Variants in MYH6 observed in about 807,000 individuals in gnomAD.
MYH6 encodes the protein myosin-6.
Under a neutral mutation model 223.2 loss-of-function variants are expected in MYH6, and 126 were observed. The observed-to-expected ratio is 0.56, with a 90% CI of 0.49 to 0.65. The LOEUF is 0.65. Among genes scored for constraint, MYH6 ranks in the 30% least tolerant of loss-of-function variants. The probability of loss-of-function intolerance (pLI) is 0.00; values close to 1 mark genes in which losing one functional copy is unlikely to be tolerated. For missense variants in MYH6, 2,040 were observed against 2,536.4 expected, an observed-to-expected ratio of 0.80 and a Z score of 4.20; for synonymous variants, 978 against 1,010.2, an observed-to-expected ratio of 0.97 and a Z score of 0.61.
chr14:23,387,418 G>T lies in MYH6; in HGVS notation c.4650+111C>A, dbSNP rs990092431. On this transcript the variant is annotated intron_variant, in intron 32 of 38. Transcript: ENST00000405093. ...TAGTGGGTAGATAATGTTGAACAAA[G>T]AATATGGAATGAATAGATTTTGTCC... The T allele has an allele frequency of 3.9e-6, 6 of 1,540,714 alleles. No individual in the cohort carries two copies. In the African/African-American group the frequency reaches 6.8e-5, roughly 17 times the overall value.
In MYH6 at chr14:23,397,952, CTTCTTCTTCTTCT is replaced by C. The variant is rs1566512441; in HGVS notation, c.1892-352_1892-340del. Among the ~76,000 whole-genome samples, 9 of 91,168 alleles carry C rather than the reference CTTCTTCTTCTTCT, an allele frequency of 9.9e-5. 1 individual carries two copies. Among genetic ancestry groups the C allele is most frequent in the African/African-American group, 4.3e-4 (9 of 20,696 alleles). 59.8% of individuals were successfully genotyped at this position (91,168 alleles called of 152,430 possible). A position where few individuals can be genotyped will look rare whatever the true frequency, so the allele number is the denominator to read the frequency against. On this transcript the variant is annotated intron_variant, in intron 15 of 38. Transcript: ENST00000405093. ...TCCTCCTCTTCTTCTTCTTCTTCTT[CTTCTTCTTCTTCT>C]TCTTCTTCTTCTTCTTCTTCTTCTT...
chr14:23,401,011 C>CTTTTTTT, intron 12 of MYH6, 34 bp from the exon 13 acceptor site: 3 of 1,455,342 alleles, frequency 2.1e-6, no homozygotes, highest in African/African-American at 2.8e-5. Context: ...TGAGCACTTC[C>CTTTTTTT]TTTTTTTTTT....
At chr14:23,386,693 A>AGGG in intron 32 of MYH6, 70 bp from the exon 33 acceptor site, 1 of 1,522,500 alleles carries the variant, frequency 6.6e-7, no homozygotes, top group Non-Finnish European at 8.9e-7. Context: ...ATGAGAAGAT[A>AGGG]CACGGTGTCA....
rs1419432556 is a variant in MYH6 at position 23,384,471 on chromosome 14, C to T, written c.5536G>A (p.Glu1846Lys). ...TAGGTGAGCTCCTTGATGCGCCGCT[C>T]GCTCTTCCTCATGCCCTTCACCGAC... ...AESVKGMRKS[E>K]RRIKELTYQT... The change falls in exon 36 of 39, where the codon GAG (glutamate) becomes AAG (lysine). Residue 1846 changes from glutamate to lysine, a missense_variant. This residue lies in a region of MYH6 where 1,203 missense variants were observed against 1,400.2 expected (regional missense o/e 0.86). Transcript: ENST00000405093. The T allele has an allele frequency of 2.5e-6, 4 of 1,612,094 alleles. No homozygotes were observed. Among genetic ancestry groups the T allele is most frequent in the South Asian group, 1.1e-5 (1 of 91,072 alleles).
chr14:23,399,984 G>A, intron 14 of MYH6: 1 of 520,554 alleles, frequency 1.9e-6, no homozygotes, highest in South Asian at 2.1e-5. Context: ...CTCATGGGCG[G>A]TCAGAGGGGC....
At chr14:23,398,660 A>G (rs1207703882) in intron 15 of MYH6, 68 bp downstream of exon 15, 2 of 1,566,180 alleles carry the variant, frequency 1.3e-6, no homozygotes, top group African/African-American at 2.7e-5. Flanking sequence ...TGTGCTTTGA[A>G]GCAGCAGGAC....
chr14:23,389,095 C>CTCTAGATT, intron 28 of MYH6, 40 bp from the exon 29 acceptor site: 1 of 1,562,900 alleles, frequency 6.4e-7, no homozygotes, highest in Non-Finnish European at 8.6e-7. Context: ...GGAGGGACTC[C>CTCTAGATT]CTGTGCCCCA....
Position 23,384,379 on chromosome 14 carries a change from C to T in MYH6, c.5565+63G>A, listed in dbSNP as rs115854710. The T allele has an allele frequency of 5.8e-4, 933 of 1,600,442 alleles. 5 individuals are homozygous for T. The African/African-American group carries it at 0.011, about 18-fold the overall frequency. On this transcript the variant is annotated intron_variant, in intron 36 of 38. Coordinates refer to ENST00000405093, the MANE Select transcript of MYH6 (RefSeq NM_002471.4). ...GGAGGTGAGAGGAGCCCTGTGAGGGCGGGGCAGTGGGGCCAGAGAAGAAAC... is the reference window on the plus strand; with the variant it reads ...GGAGGTGAGAGGAGCCCTGTGAGGGTGGGGCAGTGGGGCCAGAGAAGAAAC...
Position 23,386,070 on chromosome 14 carries a change from G to A in MYH6, c.5021C>T (p.Ala1674Val). 6.2e-7 allele frequency: 1 copy of A among 1,614,208 alleles called. No homozygotes were observed. Among genetic ancestry groups the A allele is most frequent in the Non-Finnish European group, 8.5e-7 (1 of 1,180,028 alleles). ...CAGGTTGTTGCGCCGCTCCACGATG[G>A]CGATGTTCTCCTTCAGGTCGTCGTT... is the stretch of plus-strand genomic sequence containing the variant. ...RANDDLKENI[A>V]IVERRNNLLQ... Residue 1674 changes from alanine to valine, a missense_variant, in exon 34 of 39, where the codon GCC (alanine) becomes GTC (valine). Ala to Val is a moderately conservative substitution (Grantham distance 64). Around this residue, in one of 4 missense-constraint regions of MYH6, gnomAD observed 1,203 missense variants for 1,400.2 expected, o/e 0.86. Coordinates refer to ENST00000405093, the MANE Select transcript of MYH6 (RefSeq NM_002471.4).
chr14:23,405,313 C>T lies in MYH6; in HGVS notation c.412G>A (p.Val138Met). 1 of 1,614,162 alleles carries T rather than the reference C, an allele frequency of 6.2e-7. No individual in the cohort carries two copies. The highest frequency in any genetic ancestry group is 8.5e-7 in the Non-Finnish European group (1 of 1,180,002). Residue 138 changes from valine to methionine, a missense_variant, in exon 5 of 39, where the codon GTG (valine) becomes ATG (methionine). By Grantham distance (21) the Val-to-Met change is conservative (BLOSUM62 1). Transcript: ENST00000405093. The surrounding 1 kb of genome is among the most constrained non-coding windows in gnomAD (Gnocchi z 4.7). ...YKWLPVYNAE[V>M]VAAYRGKKRS... ...TTCTTGCCCCGGTAGGCGGCCACCA[C>T]CTCGGCATTGTACACCGGCAGCCAC...
rs1060501428 is a variant in MYH6 at position 23,396,285 on chromosome 14, T to C, written c.2428A>G (p.Arg810Gly). ...GCCTCCCTTTTCCTCCTGTCTCACC[T>C]GCGTTCCACTATCTTCTTGAACTCA... ...RIEFKKIVER[R>G]DALLVIQWNI... is the part of the protein sequence containing the mutation. The change falls in exon 20 of 39, where the codon AGG becomes GGG. Residue 810 changes from arginine to glycine, a missense_variant and splice_region_variant. Physicochemically the swap from Arg to Gly is moderately radical, Grantham distance 125. Coordinates refer to ENST00000405093, the MANE Select transcript of MYH6 (RefSeq NM_002471.4). The C allele has an allele frequency of 1.2e-6, 2 of 1,614,172 alleles. No homozygotes were observed. Among genetic ancestry groups the C allele is most frequent in the Non-Finnish European group, 1.7e-6 (2 of 1,180,032 alleles).
At chr14:23,401,086 A>G (rs178644) in intron 12 of MYH6, 109 bp from the exon 13 acceptor site, 118,571 of 1,508,352 alleles carry the variant, frequency 0.079, 5,315 homozygotes, top group South Asian at 0.092. Flanking sequence ...GGCTCACTAC[A>G]GCCTCCACCT....
chr14:23,407,089 C>A lies in MYH6; in HGVS notation c.135G>T (p.Glu45Asp). ...TECFVPDDKE[E>D]FVKAKILSRE... Reference sequence around the variant, plus strand: ...GGGACAAAATCTTGGCTTTGACAAACTCTTCCTTGTCATCGGGCACGAAGC... The same window carrying A: ...GGGACAAAATCTTGGCTTTGACAAAATCTTCCTTGTCATCGGGCACGAAGC... The change falls in exon 3 of 39, where the codon GAG (glutamate) becomes GAT (aspartate). Residue 45 changes from glutamate to aspartate, a missense_variant. By Grantham distance (45) the Glu-to-Asp change is conservative. Transcript: ENST00000405093. This position sits in a 1 kb window ranked among gnomAD's most constrained non-coding sequence, Gnocchi z 5.6. The A allele has an allele frequency of 1.9e-6, 3 of 1,614,262 alleles. No homozygotes were observed. The highest frequency in any genetic ancestry group is 2.5e-6 in the Non-Finnish European group (3 of 1,180,040).
At position 23,394,076 on chromosome 14, in the gene MYH6, C is replaced by T. The variant is rs1462413168; in HGVS notation, c.2677G>A (p.Val893Met). 1.2e-6 allele frequency: 2 copies of T among 1,614,190 alleles called. No individual in the cohort carries two copies. Among genetic ancestry groups the T allele is most frequent in the East Asian group, 2.2e-5 (1 of 44,882 alleles). ...LQEKNDLQLQVQAEQDNLNDA... is the reference protein window; with the variant it reads ...LQEKNDLQLQMQAEQDNLNDA... ...TAATCACGTGGCCTCACCGCCTGCACTTGGAGCTGCAGGTCATTCTTCTCC... is the reference window on the plus strand; with the variant it reads ...TAATCACGTGGCCTCACCGCCTGCATTTGGAGCTGCAGGTCATTCTTCTCC... Residue 893 changes from valine (V) to methionine (M), a missense_variant, in exon 21 of 39, where the codon GTG (valine) becomes ATG (methionine). Transcript: ENST00000405093.
In MYH6 at chr14:23,383,339, G is replaced by GTGA; in HGVS notation, c.5566-20_5566-19insTCA. On this transcript the variant is annotated intron_variant, in intron 36 of 38. Transcript: ENST00000405093. ...CCTCTGTCTGGGGGTGGGAGGGTGGGAGAAGCTGGTTTGGAGGGGGAGCAA... is the reference window on the plus strand; with the variant it reads ...CCTCTGTCTGGGGGTGGGAGGGTGGGTGAAGAAGCTGGTTTGGAGGGGGAGCAA... The GTGA allele has an allele frequency of 9.2e-6, 1 of 108,202 alleles. No homozygotes were observed. The highest frequency in any genetic ancestry group is 1.6e-4 in the Admixed American group (1 of 6,390). 6.7% of individuals were successfully genotyped at this position (108,202 alleles called of 1,614,324 possible).
chr14:23,404,981 C>G, intron 6 of MYH6, 119 bp downstream of exon 6: 1 of 1,538,034 alleles, frequency 6.5e-7, no homozygotes, highest in South Asian at 1.1e-5. Context: ...CTAATGAGAG[C>G]TCAGTGCCCC....
intron 29 of MYH6, 165 bp from the exon 30 acceptor site, chr14:23,388,503 G>T: frequency 8.5e-7 from 1 of 1,181,076 alleles, no homozygotes; most frequent in Non-Finnish European, 1.3e-6. Context: ...GCCAGCACGG[G>T]CTGCCCAGGC....
In MYH6 at chr14:23,389,702, C is replaced by T; in HGVS notation, c.3750G>A (p.Val1250=). ...TGGCCTGGTCCTCCAGCGTCCGAGACACTTTCTCCAGGTTTGCCTTCAGGA... is the reference window on the plus strand; with the variant it reads ...TGGCCTGGTCCTCCAGCGTCCGAGATACTTTCTCCAGGTTTGCCTTCAGGA... ...IIKAKANLEK[V]SRTLEDQANE... The change falls in exon 27 of 39, where the codon GTG becomes GTA. Residue 1250 remains valine, a synonymous_variant. Transcript: ENST00000405093. The T allele has an allele frequency of 1.2e-6, 2 of 1,614,150 alleles. No individual in the cohort carries two copies. The highest frequency in any genetic ancestry group is 1.3e-5 in the African/African-American group (1 of 75,028).
chr14:23,406,614 C>G (rs916566524), intron 3 of MYH6, among the ~76,000 whole-genome samples: 1 of 152,212 alleles, frequency 6.6e-6, no homozygotes, highest in African/African-American at 2.4e-5. Flanking sequence ...TTGTGTTCAT[C>G]TGGGTCTAAG....
Sources: gnomAD v4.1 joint callset for allele counts (sites outside exome capture counted in the v4.1 genomes callset) on GRCh38, gnomAD v4.1.1 for gene constraint, gnomAD v4.1.1 regional missense constraint, Gnocchi (gnomAD v3.1) non-coding constraint, MANE v1.5 for transcripts, NCBI Gene and HGNC (gene_info 2026-07-23, HGNC 2026-07-21) for gene names.